Variants in DNAJB6 observed in about 807,000 individuals in gnomAD.
The protein encoded by DNAJB6 is dnaJ homolog subfamily B member 6.
In DNAJB6, 16 loss-of-function variants were observed where a neutral mutation model predicts 42.7. That is an observed-to-expected ratio of 0.37 (90% CI 0.25 to 0.57). The LOEUF (loss-of-function observed/expected upper bound fraction) is 0.57, where lower values mean the gene tolerates loss of function less well. DNAJB6 is among the 20% of genes least tolerant of loss of function. The pLI is 0.74. For missense variants in DNAJB6, 347 were observed against 416.8 expected (o/e 0.83, Z 1.46); for synonymous variants, 170 against 163.5 (o/e 1.04, Z -0.30).
At chr7:157,355,098 C>T (rs6952658) in intron 1 of DNAJB6, among the ~76,000 whole-genome samples, 1 of 152,118 alleles carries the variant, frequency 6.6e-6, no homozygotes, top group Admixed American at 6.5e-5. Context: ...GGATGAAAAC[C>T]CACATGTAGG....
chr7:157,344,297 C>T (rs1442928771), intron 1 of DNAJB6, among the ~76,000 whole-genome samples: 1 of 151,896 alleles, frequency 6.6e-6, no homozygotes, highest in Non-Finnish European at 1.5e-5. Context: ...GCCGAGATCC[C>T]TCTACTGCAC....
chr7:157,402,027 G>T (rs970156958), intron 8 of DNAJB6, among the ~76,000 whole-genome samples: 5 of 152,268 alleles, frequency 3.3e-5, no homozygotes, highest in African/African-American at 1.2e-4. Context: ...GACGGAGGGA[G>T]CGTGTCTGCT....
chr7:157,358,867 C>T (rs1218046318), intron 2 of DNAJB6, among the ~76,000 whole-genome samples: 1 of 152,186 alleles, frequency 6.6e-6, no homozygotes, highest in Admixed American at 6.5e-5. Flanking sequence ...ATGATTGTTT[C>T]ACTGAGGATG....
intron 1 of DNAJB6, among the ~76,000 whole-genome samples, chr7:157,358,151 G>A (rs1341173582): frequency 1.3e-5 from 2 of 152,168 alleles, no homozygotes; most frequent in African/African-American, 4.8e-5. Context: ...GGTCTTGCCC[G>A]ATGCCTGGCA....
At chr7:157,350,667 A>G (rs950352584) in intron 1 of DNAJB6, among the ~76,000 whole-genome samples, 1 of 151,596 alleles carries the variant, frequency 6.6e-6, no homozygotes, top group African/African-American at 2.4e-5. Flanking sequence ...CTTTTCTCGA[A>G]GTACTTGGAG....
intron 1 of DNAJB6, among the ~76,000 whole-genome samples, chr7:157,357,439 G>C (rs774991439): frequency 6.6e-6 from 1 of 150,546 alleles, no homozygotes; most frequent in Non-Finnish European, 1.5e-5. Flanking sequence ...AGCCTCCCGA[G>C]TAGCTGGGAC....
chr7:157,344,106 C>T (rs1273067016), intron 1 of DNAJB6, among the ~76,000 whole-genome samples: 3 of 152,042 alleles, frequency 2.0e-5, no homozygotes, highest in African/African-American at 7.2e-5. Flanking sequence ...TTTGGGAGGC[C>T]AAGGTGGTCA....
intron 8 of DNAJB6, among the ~76,000 whole-genome samples, chr7:157,394,874 C>T (rs748426280): frequency 2.4e-4 from 37 of 152,260 alleles, no homozygotes; most frequent in East Asian, 9.7e-4. Context: ...AGCTGCGTGG[C>T]GGGTGGATTG....
chr7:157,362,949 A>G (rs767403939), intron 2 of DNAJB6, among the ~76,000 whole-genome samples: 8 of 152,142 alleles, frequency 5.3e-5, no homozygotes, highest in East Asian at 1.9e-4. Flanking sequence ...AGCTGGGTCT[A>G]TCTGTGGCTG....
chr7:157,338,550 G>T (rs543187335), intron 1 of DNAJB6, among the ~76,000 whole-genome samples: 1 of 152,268 alleles, frequency 6.6e-6, no homozygotes, highest in African/African-American at 2.4e-5. Context: ...GGTCAGGCTG[G>T]TCTCGAACTT....
intron 8 of DNAJB6, among the ~76,000 whole-genome samples, chr7:157,395,368 C>T (rs1177469864): frequency 6.6e-6 from 1 of 152,220 alleles, no homozygotes; most frequent in African/African-American, 2.4e-5. Flanking sequence ...CTGCTTTTGT[C>T]TGTCTTTTAA....
chr7:157,364,941 G>GT (rs1172963887), intron 3 of DNAJB6, among the ~76,000 whole-genome samples: 1 of 152,212 alleles, frequency 6.6e-6, no homozygotes, highest in Admixed American at 6.5e-5. Flanking sequence ...TTTGTGGAAT[G>GT]TGAGATTTTC....
chr7:157,406,223 C>T (rs905109837), intron 8 of DNAJB6, among the ~76,000 whole-genome samples: 12 of 152,368 alleles, frequency 7.9e-5, no homozygotes, highest in East Asian at 7.7e-4. Context: ...ACGGGAAGCT[C>T]GGTGTGGGGG....
intron 1 of DNAJB6, among the ~76,000 whole-genome samples, chr7:157,355,959 C>T (rs977966190): frequency 5.9e-5 from 9 of 152,234 alleles, no homozygotes; most frequent in Admixed American, 5.2e-4. Flanking sequence ...TGCTCACTGC[C>T]TCGGGAGGTG....
chr7:157,345,528 G>C (rs1798640564), intron 1 of DNAJB6, among the ~76,000 whole-genome samples: 1 of 151,968 alleles, frequency 6.6e-6, no homozygotes, highest in African/African-American at 2.4e-5. Context: ...TGTTGCCCAG[G>C]CTGGTCTCAA....
intron 5 of DNAJB6, among the ~76,000 whole-genome samples, chr7:157,371,417 G>A (rs1800204905): frequency 6.6e-6 from 1 of 152,254 alleles, no homozygotes; most frequent in Non-Finnish European, 1.5e-5. Context: ...CCGGATGTTG[G>A]ACACATGGTA....
chr7:157,413,718 CTTTTTTTTTTTT>C (rs549829121), intron 9 of DNAJB6: 2 of 94,020 alleles, frequency 2.1e-5, no homozygotes, highest in African/African-American at 4.5e-5. Flanking sequence ...CAATTTTGGA[CTTTTTTTTTTTT>C]TTTTTTTTTT....
At position 157,363,217 on chromosome 7, in the gene DNAJB6, A is replaced by C. The variant is rs201730743; in HGVS notation, c.122A>C (p.Glu41Ala). 3.6e-5 allele frequency: 58 copies of C among 1,612,046 alleles called. No homozygotes were observed. The East Asian group carries it at 5.3e-4, about 15-fold the overall frequency. The change falls in exon 3 of 10, where the codon GAA (glutamate) becomes GCA (alanine). Residue 41 changes from glutamate (E) to alanine (A), a missense_variant. By Grantham distance (107) the Glu-to-Ala change is moderately radical. This residue lies in a region of DNAJB6 where 78 missense variants were observed against 102.1 expected (regional missense o/e 0.76). Transcript: ENST00000262177. Reference protein sequence around the residue: ...HPDKNPENKEEAERKFKQVAE... With the variant: ...HPDKNPENKEAAERKFKQVAE... ...GATAAAAATCCTGAGAATAAAGAAG[A>C]AGCAGAGAGAAAATTCAAGCAAGTA...
intron 9 of DNAJB6, chr7:157,412,487 A>G (rs2014034): frequency 1 from 151,764 of 152,360 alleles, 75,585 homozygotes; most frequent in East Asian, 1. Context: ...GTTCTGACGA[A>G]TGGACTTTGT....
Sources: allele counts gnomAD v4.1 joint callset (sites outside exome capture counted in the v4.1 genomes callset), GRCh38; gene constraint gnomAD v4.1.1; regional missense constraint gnomAD v4.1.1; transcripts MANE v1.5; gene names NCBI Gene and HGNC (gene_info 2026-07-23, HGNC 2026-07-21).